The following KAT6B variants were observed in gnomAD, a reference collection of about 807,000 sequenced individuals.
The protein encoded by KAT6B is lysine acetyltransferase 6B.
In KAT6B, 10 loss-of-function variants were observed where a neutral mutation model predicts 187.5. The observed-to-expected ratio is 0.05, with a 90% CI of 0.03 to 0.09. The LOEUF (loss-of-function observed/expected upper bound fraction) is 0.09, where lower values mean the gene tolerates loss of function less well. Among genes scored for constraint, KAT6B ranks in the 10% least tolerant of loss-of-function variants. The probability of loss-of-function intolerance (pLI) is 1.00; values close to 1 mark genes in which losing one functional copy is unlikely to be tolerated. For missense variants in KAT6B, 1,952 were observed against 2,558.9 expected, an observed-to-expected ratio of 0.76 and a Z score of 5.12; for synonymous variants, 861 against 926.8, an observed-to-expected ratio of 0.93 and a Z score of 1.29.
chr10:74,931,458 T>C (rs896712545), intron 3 of KAT6B, among the ~76,000 whole-genome samples: 1 of 152,210 alleles, frequency 6.6e-6, no homozygotes, highest in Non-Finnish European at 1.5e-5. Flanking sequence ...TACCCTTCTA[T>C]TGATGATTTT....
chr10:74,978,117 G>A (rs1338845479), intron 9 of KAT6B, among the ~76,000 whole-genome samples: 1 of 152,190 alleles, frequency 6.6e-6, no homozygotes, highest in Non-Finnish European at 1.5e-5. Flanking sequence ...CCCACTTCCT[G>A]TTTTGTGGGG....
chr10:74,955,383 T>TCCCCC (rs34174594), intron 3 of KAT6B, among the ~76,000 whole-genome samples: 1 of 101,400 alleles, frequency 9.9e-6, no homozygotes, highest in African/African-American at 3.9e-5. Flanking sequence ...CACAATTTTA[T>TCCCCC]CCCCCCCCCC....
chr10:75,005,471 G>T (rs1310186315), intron 13 of KAT6B, among the ~76,000 whole-genome samples: 1 of 152,136 alleles, frequency 6.6e-6, no homozygotes, highest in East Asian at 1.9e-4. Flanking sequence ...ACCCACCTCA[G>T]CCTCCCAAAG....
At chr10:74,930,936 T>C (rs928269272) in intron 3 of KAT6B, among the ~76,000 whole-genome samples, 1 of 152,230 alleles carries the variant, frequency 6.6e-6, no homozygotes, top group South Asian at 2.1e-4. Context: ...CCATAGAGAC[T>C]GCAAGTCTTT....
chr10:74,890,874 G>GT (rs568645648), intron 3 of KAT6B, among the ~76,000 whole-genome samples: 85 of 150,686 alleles, frequency 5.6e-4, no homozygotes, highest in Non-Finnish European at 9.9e-4. Flanking sequence ...CACAGTTTGG[G>GT]TTTTTTTTTG....
chr10:74,986,180 C>T (rs1842795843), intron 12 of KAT6B, among the ~76,000 whole-genome samples: 1 of 152,194 alleles, frequency 6.6e-6, no homozygotes, highest in African/African-American at 2.4e-5. Context: ...GCAGTTCACT[C>T]ACATTCTTCT....
chr10:74,947,505 C>T (rs1041599103), intron 3 of KAT6B, among the ~76,000 whole-genome samples: 2 of 152,186 alleles, frequency 1.3e-5, no homozygotes, highest in African/African-American at 4.8e-5. Context: ...GTATATTCAA[C>T]AGATATTAAT....
At chr10:74,834,264 C>T (rs2131984430) in intron 1 of KAT6B, among the ~76,000 whole-genome samples, 1 of 150,986 alleles carries the variant, frequency 6.6e-6, no homozygotes, top group East Asian at 1.9e-4. Flanking sequence ...GTGGCGCGAT[C>T]TCGGCTCACT....
rs574342884 is a variant in KAT6B at position 74,977,901 on chromosome 10, A to T, written c.2115+464A>T. Among the ~76,000 whole-genome samples, 8 of 152,342 alleles carry T rather than the reference A, an allele frequency of 5.3e-5. No homozygotes were observed. In the South Asian group the frequency reaches 1.7e-3, roughly 32 times the overall value. ...GAAAACAATATTTTGTTTCACAATC[A>T]GTTGTAGTCAGTTTTATTTTTATTG... On this transcript the variant is annotated intron_variant, in intron 9 of 17. Coordinates refer to ENST00000287239, the MANE Select transcript of KAT6B (RefSeq NM_012330.4).
intron 3 of KAT6B, among the ~76,000 whole-genome samples, chr10:74,918,673 G>A (rs1469215956): frequency 2.0e-5 from 3 of 151,726 alleles, no homozygotes; most frequent in Admixed American, 6.6e-5. Flanking sequence ...AACCCGGGAG[G>A]CAGAGGTTGC....
At chr10:74,828,652 C>T (rs1238280309) in intron 1 of KAT6B, among the ~76,000 whole-genome samples, 1 of 148,754 alleles carries the variant, frequency 6.7e-6, no homozygotes, top group Non-Finnish European at 1.5e-5. Flanking sequence ...ACTGCAAGCT[C>T]CGCCTCCCGG....
chr10:74,873,710 A>AG (rs1160945260), intron 3 of KAT6B, among the ~76,000 whole-genome samples: 1 of 152,078 alleles, frequency 6.6e-6, no homozygotes, highest in Non-Finnish European at 1.5e-5. Context: ...AGAGAGAGGG[A>AG]GGTAGATGTT....
At chr10:74,910,275 G>A (rs192687337) in intron 3 of KAT6B, among the ~76,000 whole-genome samples, 325 of 152,296 alleles carry the variant, frequency 2.1e-3, no homozygotes, top group African/African-American at 7.5e-3. Flanking sequence ...TCCAGCCTGG[G>A]CAACAAGAGC....
intron 16 of KAT6B, chr10:75,024,239 C>T (rs893115910): frequency 6.6e-6 from 1 of 151,716 alleles, no homozygotes; most frequent in Non-Finnish European, 1.5e-5. Context: ...CCTGTCTCTA[C>T]AAAAAAGAAA....
chr10:74,957,227 C>T (rs1453940290), intron 3 of KAT6B, among the ~76,000 whole-genome samples: 2 of 152,192 alleles, frequency 1.3e-5, no homozygotes, highest in Non-Finnish European at 2.9e-5. Flanking sequence ...GTTAATTAGA[C>T]TTGGCTACAC....
Position 75,030,950 on chromosome 10 carries a change from C to T in KAT6B, c.6126C>T (p.Pro2042=). The part of the protein sequence containing the change: ...PYAQQPMQTP[P]HGNMMYTAPG... ...CCCAGCAGCCAATGCAGACCCCACC[C>T]CACGGTAACATGATGTACACGGCCC... The change falls in exon 18 of 18, where the codon CCC becomes CCT. Residue 2042 remains proline (P), a synonymous_variant. Coordinates refer to ENST00000287239, the MANE Select transcript of KAT6B (RefSeq NM_012330.4). This position sits in a 1 kb window ranked among gnomAD's most constrained non-coding sequence, Gnocchi z 4.8. 6.2e-7 allele frequency: 1 copy of T among 1,614,198 alleles called. No individual in the cohort carries two copies. Among genetic ancestry groups the T allele is most frequent in the Non-Finnish European group, 8.5e-7 (1 of 1,180,036 alleles).
chr10:74,988,882 T>C, intron 12 of KAT6B, 137 bp from the exon 13 acceptor site: 2 of 753,506 alleles, frequency 2.7e-6, no homozygotes, highest in Non-Finnish European at 4.9e-6. Context: ...ATTAATATAG[T>C]AGGATTTTTC....
At chr10:74,979,710 T>A (rs1271199832) in intron 10 of KAT6B, among the ~76,000 whole-genome samples, 1 of 152,208 alleles carries the variant, frequency 6.6e-6, no homozygotes, top group Non-Finnish European at 1.5e-5. Context: ...TTATATTTTT[T>A]AATTAGGCCT....
At chr10:74,896,108 C>T (rs1845969918) in intron 3 of KAT6B, among the ~76,000 whole-genome samples, 1 of 152,088 alleles carries the variant, frequency 6.6e-6, no homozygotes, top group Admixed American at 6.5e-5. Context: ...TCTCCTATAG[C>T]CTCTTAGGTA....
Sources: gnomAD v4.1 joint callset for allele counts (sites outside exome capture counted in the v4.1 genomes callset) on GRCh38, gnomAD v4.1.1 for gene constraint, Gnocchi (gnomAD v3.1) non-coding constraint, MANE v1.5 for transcripts, NCBI Gene and HGNC (gene_info 2026-07-23, HGNC 2026-07-21) for gene names.